The following KATNAL2 variants were observed in gnomAD, a reference collection of about 807,000 sequenced individuals.
KATNAL2 encodes the protein katanin catalytic subunit A1 like 2.
In KATNAL2, 52 loss-of-function variants were observed where a neutral mutation model predicts 76.3. The observed-to-expected ratio is 0.68, with a 90% CI of 0.55 to 0.86. The LOEUF (loss-of-function observed/expected upper bound fraction) is 0.86, where lower values mean the gene tolerates loss of function less well. KATNAL2 is among the 40% of genes least tolerant of loss of function. The probability of loss-of-function intolerance (pLI) is 0.00; values close to 1 mark genes in which losing one functional copy is unlikely to be tolerated. For synonymous variants in KATNAL2, 243 were observed against 244.2 expected, an observed-to-expected ratio of 1.00 and a Z score of 0.05; for missense variants, 660 against 668.9, an observed-to-expected ratio of 0.99 and a Z score of 0.15.
chr18:47,046,551 T>C (rs2061163375), intron 4 of KATNAL2, 24 bp downstream of exon 4: 1 of 1,422,982 alleles, frequency 7.0e-7, no homozygotes, highest in Admixed American at 2.0e-5. Context: ...CAAACATTTA[T>C]AGAGATGATT....
intron 3 of KATNAL2, among the ~76,000 whole-genome samples, chr18:46,965,575 A>C (rs1478482702): frequency 7.5e-5 from 8 of 106,696 alleles, no homozygotes; most frequent in African/African-American, 2.1e-4. Flanking sequence ...TCCCTCTAGC[A>C]TCCCCGCCCC....
chr18:46,929,749 T>C (rs1454252793), intron 1 of KATNAL2, among the ~76,000 whole-genome samples: 1 of 152,176 alleles, frequency 6.6e-6, no homozygotes, highest in Non-Finnish European at 1.5e-5. Flanking sequence ...TGCTGGAACA[T>C]AGAGAAGAAG....
intron 3 of KATNAL2, among the ~76,000 whole-genome samples, chr18:46,948,176 T>C (rs997127558): frequency 1.3e-5 from 2 of 152,158 alleles, no homozygotes; most frequent in Non-Finnish European, 2.9e-5. Context: ...AGTGGCATGA[T>C]CTCAGCTCAC....
At chr18:46,961,799 T>G (rs1569027505) in intron 3 of KATNAL2, among the ~76,000 whole-genome samples, 2 of 152,186 alleles carry the variant, frequency 1.3e-5, no homozygotes, top group Non-Finnish European at 2.9e-5. Flanking sequence ...ATGGCATTTT[T>G]GATTTGGGCT....
At chr18:47,066,017 A>G (rs2061781454) in intron 10 of KATNAL2, among the ~76,000 whole-genome samples, 1 of 151,768 alleles carries the variant, frequency 6.6e-6, no homozygotes, top group Non-Finnish European at 1.5e-5. Flanking sequence ...AAATTTTAAA[A>G]AAATAAAAAT....
intron 15 of KATNAL2, among the ~76,000 whole-genome samples, chr18:47,097,075 C>T (rs574721762): frequency 6.8e-6 from 1 of 146,096 alleles, no homozygotes; most frequent in African/African-American, 2.6e-5. Context: ...GCTGTGACGG[C>T]ACCACTGCAC....
chr18:46,923,301 G>A lies in KATNAL2; in HGVS notation c.-510+5375G>A, dbSNP rs1185734532. 3.4e-3 allele frequency among the ~76,000 whole-genome samples: 476 copies of A among 138,788 alleles called. 1 individual carries two copies. Among genetic ancestry groups the A allele is most frequent in the African/African-American group, 0.012 (440 of 36,874 alleles). 91.1% of individuals were successfully genotyped at this position (138,788 alleles called of 152,430 possible). On this transcript the variant is annotated intron_variant, in intron 1 of 17. Transcript: ENST00000683218. Reference sequence around the variant, plus strand: ...TGTTCTCATTGTTCAATTCCCACCTGTGAGTGAGAACATGTGGTGTTTGGT... The same window carrying A: ...TGTTCTCATTGTTCAATTCCCACCTATGAGTGAGAACATGTGGTGTTTGGT...
chr18:47,032,995 T>A, intron 3 of KATNAL2: 1 of 1,614,060 alleles, frequency 6.2e-7, no homozygotes, highest in Non-Finnish European at 8.5e-7. Flanking sequence ...GCAAGGCAAG[T>A]CCTGAGTTTA....
At chr18:46,930,105 T>C (rs2058859616) in intron 1 of KATNAL2, among the ~76,000 whole-genome samples, 2 of 152,122 alleles carry the variant, frequency 1.3e-5, no homozygotes, top group African/African-American at 4.8e-5. Context: ...CAAATATTTA[T>C]ACAACTTTTC....
intron 1 of KATNAL2, among the ~76,000 whole-genome samples, chr18:46,919,663 A>T (rs1030968687): frequency 2.6e-5 from 4 of 152,304 alleles, no homozygotes; most frequent in African/African-American, 9.6e-5. Flanking sequence ...AATAAAAATT[A>T]TTATTTTAAA....
chr18:47,083,636 C>T (rs934855066), intron 15 of KATNAL2, among the ~76,000 whole-genome samples: 6 of 152,186 alleles, frequency 3.9e-5, no homozygotes, highest in African/African-American at 1.4e-4. Context: ...GAAGAAAGAA[C>T]AGCTCTTGTG....
chr18:47,099,474 C>A, intron 16 of KATNAL2, 69 bp downstream of exon 16: 3 of 1,430,802 alleles, frequency 2.1e-6, no homozygotes, highest in South Asian at 2.8e-5. Flanking sequence ...TAGACCAGGT[C>A]TTACCATGAG....
At chr18:46,919,303 A>C (rs1312821693) in intron 1 of KATNAL2, among the ~76,000 whole-genome samples, 1 of 152,044 alleles carries the variant, frequency 6.6e-6, no homozygotes, top group East Asian at 1.9e-4. Context: ...CCTGACCAAC[A>C]TGGAGAAACC....
chr18:46,944,520 A>C (rs943331577), intron 1 of KATNAL2, among the ~76,000 whole-genome samples: 1 of 152,114 alleles, frequency 6.6e-6, no homozygotes, highest in Non-Finnish European at 1.5e-5. Flanking sequence ...GGATCACTTG[A>C]GGTCAGGAGT....
At chr18:46,934,659 T>A (rs1402095745) in intron 1 of KATNAL2, among the ~76,000 whole-genome samples, 2 of 152,192 alleles carry the variant, frequency 1.3e-5, no homozygotes, top group African/African-American at 4.8e-5. Flanking sequence ...TTAATTAGAT[T>A]CCATTTGTCA....
intron 15 of KATNAL2, among the ~76,000 whole-genome samples, chr18:47,079,578 A>T (rs1163391830): frequency 6.6e-6 from 1 of 151,570 alleles, no homozygotes; most frequent in African/African-American, 2.4e-5. Context: ...TGTATTTTTA[A>T]TAGAGATGGG....
chr18:46,922,252 C>A (rs2058590559), intron 1 of KATNAL2, among the ~76,000 whole-genome samples: 1 of 151,804 alleles, frequency 6.6e-6, no homozygotes. Context: ...GGCACACCAC[C>A]ACTCTCAGCT....
At chr18:47,051,073 CTT>C (rs2061327068) in intron 4 of KATNAL2, among the ~76,000 whole-genome samples, 6 of 152,106 alleles carry the variant, frequency 3.9e-5, no homozygotes, top group Non-Finnish European at 8.8e-5. Flanking sequence ...GCGTCTCTCT[CTT>C]GTGTCTTGTT....
At chr18:46,923,137 A>C (rs1395482986) in intron 1 of KATNAL2, among the ~76,000 whole-genome samples, 1 of 150,838 alleles carries the variant, frequency 6.6e-6, no homozygotes. Flanking sequence ...ATATGTATAC[A>C]TGTGCCATGT....
Sources: gnomAD v4.1 joint callset for allele counts (sites outside exome capture counted in the v4.1 genomes callset) on GRCh38, gnomAD v4.1.1 for gene constraint, MANE v1.5 for transcripts, NCBI Gene and HGNC (gene_info 2026-07-23, HGNC 2026-07-21) for gene names.